ZMIZ1: variants seen among roughly 807,000 people sequenced by gnomAD.
ZMIZ1 encodes the protein zinc finger MIZ-type containing 1.
A neutral mutation model predicts 113.9 loss-of-function variants in ZMIZ1; 17 were observed. The observed-to-expected ratio is 0.15, with a 90% CI of 0.10 to 0.22. The LOEUF is 0.22. ZMIZ1 is among the 10% of genes least tolerant of loss of function. The pLI is 1.00. For synonymous variants in ZMIZ1, 607 were observed against 603.1 expected, an observed-to-expected ratio of 1.01 and a Z score of -0.09; for missense variants, 1,059 against 1,477.8, an observed-to-expected ratio of 0.72 and a Z score of 4.65.
chr10:79,205,516 G>C (rs1848282463), intron 5 of ZMIZ1, among the ~76,000 whole-genome samples: 1 of 152,210 alleles, frequency 6.6e-6, no homozygotes, highest in Non-Finnish European at 1.5e-5. Context: ...AACCGTGGAG[G>C]GGCCCTGGCA....
chr10:79,258,372 C>G (rs1851048878), intron 7 of ZMIZ1, among the ~76,000 whole-genome samples: 1 of 151,406 alleles, frequency 6.6e-6, no homozygotes, highest in Non-Finnish European at 1.5e-5. Context: ...TGGATAGAGC[C>G]AAATCCTGTC....
At chr10:79,088,894 G>A (rs777956910) in intron 1 of ZMIZ1, among the ~76,000 whole-genome samples, 8 of 152,208 alleles carry the variant, frequency 5.3e-5, no homozygotes, top group South Asian at 2.1e-4. Context: ...GGAGACTGTC[G>A]CAGCACCCCT....
chr10:79,266,317 C>A (rs1374100411), intron 7 of ZMIZ1, among the ~76,000 whole-genome samples: 2 of 152,208 alleles, frequency 1.3e-5, no homozygotes, highest in Admixed American at 6.5e-5. Context: ...GAAAGTGGGG[C>A]CTTCGCGTAC....
At chr10:79,151,116 C>T (rs1291567606) in intron 3 of ZMIZ1, among the ~76,000 whole-genome samples, 1 of 152,138 alleles carries the variant, frequency 6.6e-6, no homozygotes, top group African/African-American at 2.4e-5. Flanking sequence ...CCACCTTGAG[C>T]TCCTGGGCGA....
intron 1 of ZMIZ1, among the ~76,000 whole-genome samples, chr10:79,077,514 C>T (rs1262502822): frequency 6.6e-6 from 1 of 151,788 alleles, no homozygotes; most frequent in Middle Eastern, 3.2e-3. Context: ...GGTTTTCCAT[C>T]GAAAAATGGT....
chr10:79,179,149 G>A (rs1462949217), intron 4 of ZMIZ1, among the ~76,000 whole-genome samples: 2 of 152,250 alleles, frequency 1.3e-5, no homozygotes, highest in Admixed American at 1.3e-4. Context: ...CTTACTGTAT[G>A]TGCCAGCCCT....
chr10:79,254,994 C>T (rs920117627), intron 7 of ZMIZ1, among the ~76,000 whole-genome samples: 8 of 152,222 alleles, frequency 5.3e-5, no homozygotes, highest in Non-Finnish European at 1.2e-4. Flanking sequence ...CTACTCGCAC[C>T]CCGCAGGGCT....
intron 1 of ZMIZ1, among the ~76,000 whole-genome samples, chr10:79,098,428 C>T (rs768260653): frequency 5.3e-5 from 8 of 152,208 alleles, no homozygotes; most frequent in African/African-American, 1.4e-4. Context: ...GTGACTCGAC[C>T]GCTCTGTGCC....
intron 1 of ZMIZ1, among the ~76,000 whole-genome samples, chr10:79,098,468 G>A (rs1281583606): frequency 1.3e-5 from 2 of 152,216 alleles, no homozygotes; most frequent in African/African-American, 4.8e-5. Flanking sequence ...AATGGAGGTG[G>A]TGATAGTTGA....
At chr10:79,229,354 G>C (rs1026028186) in intron 7 of ZMIZ1, among the ~76,000 whole-genome samples, 1 of 152,238 alleles carries the variant, frequency 6.6e-6, no homozygotes, top group Non-Finnish European at 1.5e-5. Flanking sequence ...CCCAGAGCTC[G>C]GGAAGTCTGG....
chr10:79,307,034 T>C (rs762995491), intron 22 of ZMIZ1, among the ~76,000 whole-genome samples: 11 of 152,194 alleles, frequency 7.2e-5, no homozygotes, highest in Non-Finnish European at 1.6e-4. Context: ...TGGCAGAACA[T>C]GCACCCACTC....
chr10:79,207,588 C>T (rs1848369767), intron 5 of ZMIZ1, among the ~76,000 whole-genome samples: 1 of 152,164 alleles, frequency 6.6e-6, no homozygotes, highest in Admixed American at 6.5e-5. Flanking sequence ...AGAATTCAGT[C>T]TCCATCGACT....
rs1286766475 is a variant in ZMIZ1 at position 79,312,669 on chromosome 10, G to A, written c.3124G>A (p.Glu1042Lys). Residue 1042 changes from glutamate to lysine, a missense_variant, in exon 25 of 25, where the codon GAG becomes AAG. This residue lies in a region of ZMIZ1 where 225 missense variants were observed against 276.0 expected (regional missense o/e 0.82). Transcript: ENST00000334512. ...CCTTCCCGAACTCACAAATCCTGAC[G>A]AGCTCCTGTCTTATCTGGACCCCCC... is the stretch of plus-strand genomic sequence containing the variant. ...DLLPELTNPD[E>K]LLSYLDPPDL... The A allele has an allele frequency of 6.2e-7, 1 of 1,614,118 alleles. No homozygotes were observed.
intron 1 of ZMIZ1, among the ~76,000 whole-genome samples, chr10:79,085,701 T>C (rs988367956): frequency 3.9e-5 from 6 of 152,226 alleles, no homozygotes; most frequent in Admixed American, 1.3e-4. Context: ...GCCCAAGAGA[T>C]GCCCCTGAGA....
At position 79,292,266 on chromosome 10, in the gene ZMIZ1, A is replaced by C. The variant is rs551280800; in HGVS notation, c.867A>C (p.Ala289=). Residue 289 remains alanine, a synonymous_variant, in exon 11 of 25, where the codon GCA becomes GCC. Coordinates refer to ENST00000334512, the MANE Select transcript of ZMIZ1 (RefSeq NM_020338.4). ...PAAAAAAAAV[A]AAAATATATA... ...CAGCCGCTGCAGCAGCGGCAGTGGC[A>C]GCAGCAGCAGCCACAGCTACAGCCA... is the stretch of plus-strand genomic sequence containing the variant. 6 of 1,609,876 alleles carry C rather than the reference A, an allele frequency of 3.7e-6. No homozygotes were observed. In the East Asian group the frequency reaches 6.7e-5, roughly 18 times the overall value.
At chr10:79,102,033 C>T (rs905861389) in intron 1 of ZMIZ1, among the ~76,000 whole-genome samples, 2 of 152,198 alleles carry the variant, frequency 1.3e-5, no homozygotes, top group African/African-American at 4.8e-5. Flanking sequence ...AGGATCTCTC[C>T]ACCTTCTCTG....
intron 2 of ZMIZ1, among the ~76,000 whole-genome samples, chr10:79,129,354 T>C (rs1306324737): frequency 6.6e-6 from 1 of 152,214 alleles, no homozygotes; most frequent in Admixed American, 6.5e-5. Flanking sequence ...ACCTGTCACT[T>C]GTGGGCAAAC....
At chr10:79,223,135 GT>G (rs1037360866) in intron 7 of ZMIZ1, among the ~76,000 whole-genome samples, 33 of 152,306 alleles carry the variant, frequency 2.2e-4, no homozygotes, top group Admixed American at 1.5e-3. Flanking sequence ...CCGCCTTCCC[GT>G]TACTGGGAGG....
intron 1 of ZMIZ1, among the ~76,000 whole-genome samples, chr10:79,112,762 A>G (rs1442180946): frequency 1.3e-5 from 2 of 152,230 alleles, no homozygotes; most frequent in East Asian, 3.8e-4. Flanking sequence ...CTGATTGTCC[A>G]TGTCAAAATG....
Sources: gnomAD v4.1 joint callset for allele counts (sites outside exome capture counted in the v4.1 genomes callset) on GRCh38, gnomAD v4.1.1 for gene constraint, gnomAD v4.1.1 regional missense constraint, MANE v1.5 for transcripts, NCBI Gene and HGNC (gene_info 2026-07-23, HGNC 2026-07-21) for gene names.